Variants in ARMC8 observed in about 807,000 individuals in gnomAD.
The protein encoded by ARMC8 is armadillo repeat-containing protein 8.
ARMC8 carries 20 observed loss-of-function variants against 99.3 expected under a neutral mutation model. The ratio of observed to expected loss-of-function variants is 0.20; its 90% CI spans 0.14 to 0.29. The LOEUF is 0.29. ARMC8 is among the 10% of genes least tolerant of loss of function. ARMC8 has a pLI of 1.00. For synonymous variants in ARMC8, 263 were observed against 278.3 expected (o/e 0.95, Z 0.55); for missense variants, 569 against 809.5 (o/e 0.70, Z 3.60).
intron 21 of ARMC8, 148 bp downstream of exon 21, chr3:138,290,787 G>A (rs1187357535): frequency 1.3e-5 from 8 of 619,722 alleles, no homozygotes; most frequent in Admixed American, 3.0e-5. Context: ...GCCACTGTAC[G>A]ACATTTGAGT....
intron 10 of ARMC8, among the ~76,000 whole-genome samples, chr3:138,239,835 G>A (rs550374691): frequency 7.9e-5 from 12 of 152,234 alleles, no homozygotes; most frequent in Admixed American, 2.6e-4. Context: ...AATATATTTC[G>A]TTCTTGATTG....
chr3:138,201,112 G>A (rs772430507), intron 1 of ARMC8, among the ~76,000 whole-genome samples: 7 of 151,388 alleles, frequency 4.6e-5, no homozygotes, highest in South Asian at 2.1e-4. Flanking sequence ...GGGTTTCACC[G>A]TCTTGGCCAG....
intron 18 of ARMC8, among the ~76,000 whole-genome samples, chr3:138,280,089 A>C (rs2049731771): frequency 6.6e-6 from 1 of 151,720 alleles, no homozygotes; most frequent in African/African-American, 2.4e-5. Flanking sequence ...TTTTTAGTAG[A>C]TATGGGGTTT....
intron 10 of ARMC8, among the ~76,000 whole-genome samples, chr3:138,240,904 G>T (rs531431506): frequency 6.6e-6 from 1 of 152,268 alleles, no homozygotes; most frequent in Non-Finnish European, 1.5e-5. Context: ...TAAAAAATTA[G>T]CCAGGAGTGG....
intron 1 of ARMC8, among the ~76,000 whole-genome samples, chr3:138,200,312 T>C (rs1013902006): frequency 1.1e-4 from 15 of 137,868 alleles, no homozygotes; most frequent in African/African-American, 4.6e-4. Flanking sequence ...CAGACTGATA[T>C]ATGTTGTAAT....
At chr3:138,264,870 G>C (rs967899155) in intron 14 of ARMC8, among the ~76,000 whole-genome samples, 5 of 149,390 alleles carry the variant, frequency 3.3e-5, no homozygotes, top group African/African-American at 1.2e-4. Context: ...ATAATGTGTT[G>C]TTCTTAGTCT....
At chr3:138,246,784 A>C (rs1026542032) in intron 12 of ARMC8, 2 of 984,250 alleles carry the variant, frequency 2.0e-6, no homozygotes, top group African/African-American at 3.5e-5. Context: ...TCAGTAGTCT[A>C]TTAAAACTTG....
intron 12 of ARMC8, among the ~76,000 whole-genome samples, chr3:138,251,803 T>C (rs147065828): frequency 5.3e-5 from 8 of 152,358 alleles, no homozygotes; most frequent in African/African-American, 1.7e-4. Flanking sequence ...TTGAGTGTTA[T>C]ACTATTTGTG....
rs1001127322 is a variant in ARMC8, at chr3:138,272,855, G to C, written c.1480-112G>C. On this transcript the variant is annotated intron_variant, in intron 16 of 21. Transcript: ENST00000469044. ...CCACTGCACACCAGCCTGGGCGACA[G>C]AGCAAGACTCTGTCTCAAAAAAATA... 5 of 1,009,808 alleles carry C rather than the reference G, an allele frequency of 5.0e-6. No homozygotes were observed. In the African/African-American group the frequency reaches 6.7e-5, roughly 13 times the overall value. The allele number at this position is 1,009,808 out of a possible 1,614,324, so 62.6% of individuals were successfully genotyped here.
At chr3:138,192,329 G>A (rs1219909759) in intron 1 of ARMC8, among the ~76,000 whole-genome samples, 1 of 145,558 alleles carries the variant, frequency 6.9e-6, no homozygotes, top group Non-Finnish European at 1.5e-5. Context: ...CCAGGCAGGA[G>A]TGCAGTGGTG....
chr3:138,188,417 G>C, intron 1 of ARMC8: 1 of 1,494,996 alleles, frequency 6.7e-7, no homozygotes, highest in South Asian at 1.4e-5. Context: ...TAAAGAAAAA[G>C]ACGACTTTCA....
chr3:138,262,530 T>G, intron 12 of ARMC8: 1 of 1,612,678 alleles, frequency 6.2e-7, no homozygotes, highest in Non-Finnish European at 8.5e-7. Context: ...GACTTCTGAA[T>G]CCTCTCATTT....
chr3:138,241,690 C>A, intron 10 of ARMC8, 93 bp from the exon 11 acceptor site: 2 of 1,053,878 alleles, frequency 1.9e-6, no homozygotes, highest in South Asian at 1.4e-5. Context: ...ATAAACATTA[C>A]TCCTGATAAA....
intron 11 of ARMC8, among the ~76,000 whole-genome samples, chr3:138,244,824 TG>T: frequency 6.6e-6 from 1 of 152,326 alleles, no homozygotes; most frequent in South Asian, 2.1e-4. Flanking sequence ...AGATTCACAA[TG>T]GTTTTTCATA....
intron 1 of ARMC8, among the ~76,000 whole-genome samples, chr3:138,206,389 C>T (rs1404331747): frequency 2.0e-5 from 3 of 152,302 alleles, no homozygotes; most frequent in Non-Finnish European, 2.9e-5. Context: ...TACCATCTGG[C>T]GCCTGTTCTC....
At chr3:138,288,896 C>A in intron 19 of ARMC8, 152 bp from the exon 20 acceptor site, 1 of 593,694 alleles carries the variant, frequency 1.7e-6, no homozygotes, top group Non-Finnish European at 3.0e-6. Flanking sequence ...CTTGGTCTCC[C>A]AAAGTGCTGG....
chr3:138,199,619 C>A (rs1010376690), intron 1 of ARMC8, among the ~76,000 whole-genome samples: 2 of 152,116 alleles, frequency 1.3e-5, no homozygotes, highest in African/African-American at 4.8e-5. Context: ...AGCAGTTAGG[C>A]AGTTGTATTT....
At position 138,290,665 on chromosome 3, in the gene ARMC8, G is replaced by T. The variant is rs1046229910; in HGVS notation, c.1988+26G>T. On this transcript the variant is annotated intron_variant, in intron 21 of 21. Coordinates refer to ENST00000469044, the MANE Select transcript of ARMC8 (RefSeq NM_001363941.2). Reference sequence around the variant, plus strand: ...GTGAGTATGAATGTGAAAAGGCCTTGCTTTGGGCTGTGTTGGATTCTTTCG... The same window carrying T: ...GTGAGTATGAATGTGAAAAGGCCTTTCTTTGGGCTGTGTTGGATTCTTTCG... 5 of 1,494,340 alleles carry T rather than the reference G, an allele frequency of 3.3e-6. No homozygotes were observed. The African/African-American group carries it at 5.5e-5, about 16-fold the overall frequency. The allele number at this position is 1,494,340 out of a possible 1,614,324, so 92.6% of individuals were successfully genotyped here.
intron 2 of ARMC8, among the ~76,000 whole-genome samples, chr3:138,210,787 G>A (rs903618355): frequency 2.6e-5 from 4 of 151,612 alleles, no homozygotes; most frequent in South Asian, 4.2e-4. Context: ...AAGTTTCTTC[G>A]GACTGCAGTT....
Sources: allele counts gnomAD v4.1 joint callset (sites outside exome capture counted in the v4.1 genomes callset), GRCh38; gene constraint gnomAD v4.1.1; transcripts MANE v1.5; gene names NCBI Gene and HGNC (gene_info 2026-07-23, HGNC 2026-07-21).